GAREM1: variants seen among roughly 807,000 people sequenced by gnomAD.
GAREM1 encodes GRB2 associated regulator of MAPK1 subtype 1.
Under a neutral mutation model 71.3 loss-of-function variants are expected in GAREM1, and 26 were observed. The observed-to-expected ratio is 0.36, with a 90% CI of 0.27 to 0.51. GAREM1 has a LOEUF of 0.51. Among genes scored for constraint, GAREM1 ranks in the 20% least tolerant of loss-of-function variants. GAREM1 has a pLI of 0.95. For missense variants in GAREM1, 1,026 were observed against 1,103.1 expected (o/e 0.93, Z 0.99); for synonymous variants, 440 against 433.2 (o/e 1.02, Z -0.20).
chr18:32,446,404 A>G (rs149057182), intron 1 of GAREM1, among the ~76,000 whole-genome samples: 16 of 152,288 alleles, frequency 1.1e-4, no homozygotes, highest in African/African-American at 3.1e-4. Flanking sequence ...TCTCTACTTC[A>G]CCTATAAACA....
chr18:32,363,995 C>CACATATATATATAT (rs1555638702), intron 2 of GAREM1, among the ~76,000 whole-genome samples: 1 of 21,330 alleles, frequency 4.7e-5, no homozygotes, highest in Non-Finnish European at 8.5e-5. Flanking sequence ...TACATATATA[C>CACATATATATATAT]ATATATATAT....
intron 2 of GAREM1, among the ~76,000 whole-genome samples, chr18:32,375,061 C>A (rs554812353): frequency 1.3e-5 from 2 of 152,058 alleles, no homozygotes; most frequent in East Asian, 1.9e-4. Context: ...TAATGCTTTG[C>A]AATTATTATA....
chr18:32,373,615 A>T (rs1325904746), intron 2 of GAREM1, among the ~76,000 whole-genome samples: 1 of 152,232 alleles, frequency 6.6e-6, no homozygotes, highest in African/African-American at 2.4e-5. Context: ...GGCATCTGGA[A>T]GAATACAATG....
At position 32,287,780 on chromosome 18, in the gene GAREM1, A is replaced by G. The variant is rs2047040516; in HGVS notation, c.817T>C (p.Phe273Leu). Residue 273 changes from phenylalanine to leucine, a missense_variant, in exon 4 of 6, where the codon TTT becomes CTT. Around this residue, in one of 3 missense-constraint regions of GAREM1, gnomAD observed 218 missense variants for 296.8 expected, o/e 0.73. Transcript: ENST00000269209. This position sits in a 1 kb window ranked among gnomAD's most constrained non-coding sequence, Gnocchi z 5.9. ...HFIREGHRYK[F>L]VNIQTKTVVV... ...ACCGTCTTGGTCTGGATGTTCACAA[A>G]CTTATAGCGGTGCCCCTCACGGATG... 1 of 1,611,910 alleles carries G rather than the reference A, an allele frequency of 6.2e-7. No homozygotes were observed. Among genetic ancestry groups the G allele is most frequent in the Non-Finnish European group, 8.5e-7 (1 of 1,179,776 alleles).
chr18:32,297,689 T>A (rs1034620088), intron 3 of GAREM1, among the ~76,000 whole-genome samples: 1 of 152,156 alleles, frequency 6.6e-6, no homozygotes, highest in African/African-American at 2.4e-5. Flanking sequence ...TACAATTATA[T>A]CCCAAAGGAT....
chr18:32,265,265 AC>A lies in GAREM1; in HGVS notation c.*2605del, dbSNP rs1373664165. 3 of 152,196 alleles carry A rather than the reference AC, an allele frequency of 2.0e-5. No homozygotes were observed. The highest frequency in any genetic ancestry group is 6.6e-5 in the Admixed American group (1 of 15,258). The allele number at this position is 152,196 out of a possible 1,614,324, so 9.4% of individuals were successfully genotyped here. ...AAAGAATTCCAGGTCAGTAAAAAAA[AC>A]AAAAAACAAAAAACAAAAAAACAAC... On this transcript the variant is annotated 3_prime_UTR_variant, in exon 6 of 6. Transcript: ENST00000269209.
At chr18:32,367,510 C>A (rs1376265591) in intron 2 of GAREM1, among the ~76,000 whole-genome samples, 1 of 152,224 alleles carries the variant, frequency 6.6e-6, no homozygotes, top group Non-Finnish European at 1.5e-5. Flanking sequence ...AGAAGATATG[C>A]TCCTTTGAGA....
intron 2 of GAREM1, among the ~76,000 whole-genome samples, chr18:32,372,492 C>T (rs1464097674): frequency 6.6e-6 from 1 of 152,192 alleles, no homozygotes; most frequent in Non-Finnish European, 1.5e-5. Context: ...TAAACACAAT[C>T]TTATGAGTAG....
intron 1 of GAREM1, among the ~76,000 whole-genome samples, chr18:32,459,012 C>T (rs953291602): frequency 5.3e-5 from 8 of 151,990 alleles, no homozygotes; most frequent in Admixed American, 2.6e-4. Flanking sequence ...ACTAATGTCT[C>T]GCAACAGTCA....
At chr18:32,415,933 G>A (rs1459839789) in intron 1 of GAREM1, among the ~76,000 whole-genome samples, 1 of 151,956 alleles carries the variant, frequency 6.6e-6, no homozygotes, top group Non-Finnish European at 1.5e-5. Context: ...AAGTCAAATG[G>A]TCCTTTTGCA....
At chr18:32,429,045 T>C (rs956884662) in intron 1 of GAREM1, among the ~76,000 whole-genome samples, 4 of 152,034 alleles carry the variant, frequency 2.6e-5, no homozygotes, top group African/African-American at 9.7e-5. Flanking sequence ...AAAAAATAAC[T>C]CTCTAAAATA....
At chr18:32,328,869 C>A (rs1219268505) in intron 2 of GAREM1, among the ~76,000 whole-genome samples, 2 of 152,058 alleles carry the variant, frequency 1.3e-5, no homozygotes, top group Non-Finnish European at 2.9e-5. Flanking sequence ...TGACAGGTGA[C>A]AGAATAGAAG....
At chr18:32,327,711 C>T (rs78451468) in intron 2 of GAREM1, among the ~76,000 whole-genome samples, 110 of 152,260 alleles carry the variant, frequency 7.2e-4, no homozygotes, top group Non-Finnish European at 1.3e-3. Flanking sequence ...TTAAAAACAA[C>T]CTCATTTAGT....
chr18:32,270,407 G>C (rs1236179943), intron 4 of GAREM1, 24 bp from the exon 5 acceptor site: 1 of 1,589,400 alleles, frequency 6.3e-7, no homozygotes, highest in African/African-American at 1.3e-5. Context: ...GAACACTCCA[G>C]GTTAGCAACA....
intron 2 of GAREM1, among the ~76,000 whole-genome samples, chr18:32,349,906 G>T (rs2047731032): frequency 6.6e-6 from 1 of 152,146 alleles, no homozygotes; most frequent in Non-Finnish European, 1.5e-5. Flanking sequence ...TCGAGTCCAG[G>T]GAATGTGGAA....
chr18:32,423,809 T>A (rs548820525), intron 1 of GAREM1, among the ~76,000 whole-genome samples: 3 of 152,208 alleles, frequency 2.0e-5, no homozygotes, highest in African/African-American at 7.2e-5. Flanking sequence ...TTATTTCATA[T>A]GTTAGACCTG....
chr18:32,284,024 CG>C (rs1019029080), intron 4 of GAREM1, among the ~76,000 whole-genome samples: 12 of 152,122 alleles, frequency 7.9e-5, no homozygotes, highest in Non-Finnish European at 1.5e-4. Flanking sequence ...CTCATTCCAC[CG>C]GAACTATCCA....
rs1049242237 is a variant in GAREM1 at position 32,267,598 on chromosome 18, T to C, written c.*273A>G. The C allele has an allele frequency of 5.1e-5, 16 of 312,040 alleles. No individual in the cohort carries two copies. The highest frequency in any genetic ancestry group is 1.8e-4 in the Admixed American group (4 of 21,756). 19.3% of individuals were successfully genotyped at this position (312,040 alleles called of 1,614,324 possible). A position where few individuals can be genotyped will look rare whatever the true frequency, so the allele number is the denominator to read the frequency against. On this transcript the variant is annotated 3_prime_UTR_variant, in exon 6 of 6. Transcript: ENST00000269209. Reference sequence around the variant, plus strand: ...CATAAACCTACTTGGGTAAGAATGATTTCTCTGCACATGCCTTTTTTTCTT... The same window carrying C: ...CATAAACCTACTTGGGTAAGAATGACTTCTCTGCACATGCCTTTTTTTCTT...
chr18:32,326,281 C>A (rs1479483465), intron 2 of GAREM1, among the ~76,000 whole-genome samples: 1 of 152,184 alleles, frequency 6.6e-6, no homozygotes, highest in Non-Finnish European at 1.5e-5. Context: ...AAGCTACCTA[C>A]TAAACTCTCT....
Sources: gnomAD v4.1 joint callset for allele counts (sites outside exome capture counted in the v4.1 genomes callset) on GRCh38, gnomAD v4.1.1 for gene constraint, gnomAD v4.1.1 regional missense constraint, Gnocchi (gnomAD v3.1) non-coding constraint, MANE v1.5 for transcripts, NCBI Gene and HGNC (gene_info 2026-07-23, HGNC 2026-07-21) for gene names.